TRAPPC9: variants seen among roughly 807,000 people sequenced by gnomAD.
TRAPPC9 encodes IKK2 binding protein.
Under a neutral mutation model 124.0 loss-of-function variants are expected in TRAPPC9, and 83 were observed. The ratio of observed to expected loss-of-function variants is 0.67; its 90% CI spans 0.56 to 0.80. TRAPPC9 has a LOEUF of 0.80. Ranked by LOEUF, TRAPPC9 falls within the 30% of genes least tolerant of loss-of-function variation. The pLI is 0.00. For synonymous variants in TRAPPC9, 638 were observed against 617.5 expected (o/e 1.03, Z -0.49); for missense variants, 1,302 against 1,508.3 (o/e 0.86, Z 2.27).
intron 17 of TRAPPC9, among the ~76,000 whole-genome samples, chr8:140,047,423 C>T (rs1055055592): frequency 1.3e-5 from 2 of 152,236 alleles, no homozygotes; most frequent in East Asian, 1.9e-4. Context: ...CCGCTGGCAC[C>T]GGAGAGCCAG....
chr8:139,913,170 A>C (rs992201618), intron 19 of TRAPPC9, among the ~76,000 whole-genome samples: 2 of 152,234 alleles, frequency 1.3e-5, no homozygotes, highest in African/African-American at 4.8e-5. Context: ...TTGAGTAATC[A>C]TCACACTCTA....
intron 16 of TRAPPC9, among the ~76,000 whole-genome samples, chr8:140,224,009 G>T (rs2063394494): frequency 6.6e-6 from 1 of 152,188 alleles, no homozygotes; most frequent in Non-Finnish European, 1.5e-5. Flanking sequence ...ATGACAAACT[G>T]ATCTGTTTCT....
At position 139,772,212 on chromosome 8, in the gene TRAPPC9, G is replaced by A. The variant is rs914659304; in HGVS notation, c.3056-40010C>T. Among the ~76,000 whole-genome samples the A allele has an allele frequency of 5.3e-5, 8 of 152,230 alleles. No homozygotes were observed. In the East Asian group the frequency reaches 1.2e-3, roughly 22 times the overall value. On this transcript the variant is annotated intron_variant, in intron 21 of 22. Coordinates refer to ENST00000438773, the MANE Select transcript of TRAPPC9 (RefSeq NM_001160372.4). The stretch of plus-strand genomic sequence containing the variant: ...TGCTTACACGCATGAATATGCTCCA[G>A]GTGAACCCACTGATGCACAGGTCTG...
intron 17 of TRAPPC9, among the ~76,000 whole-genome samples, chr8:140,173,382 G>A (rs1425137900): frequency 2.6e-5 from 4 of 151,962 alleles, no homozygotes; most frequent in Non-Finnish European, 4.4e-5. Context: ...GTGAAACCCC[G>A]TCTCTACTGA....
At chr8:140,300,902 G>A (rs561844825) in intron 10 of TRAPPC9, among the ~76,000 whole-genome samples, 1 of 152,348 alleles carries the variant, frequency 6.6e-6, no homozygotes, top group South Asian at 2.1e-4. Context: ...AGAAAGGCCA[G>A]CTTGAAATCT....
At chr8:140,069,126 G>A (rs528250859) in intron 17 of TRAPPC9, among the ~76,000 whole-genome samples, 4 of 152,298 alleles carry the variant, frequency 2.6e-5, no homozygotes, top group South Asian at 2.1e-4. Context: ...TCCTGAAGCC[G>A]CTGTGCTCAA....
At chr8:140,151,218 C>T (rs370692393) in intron 17 of TRAPPC9, among the ~76,000 whole-genome samples, 1 of 152,208 alleles carries the variant, frequency 6.6e-6, no homozygotes, top group Non-Finnish European at 1.5e-5. Context: ...GTGGCATCAG[C>T]ATCAAAGCTG....
In TRAPPC9 at chr8:140,355,255, G is replaced by A. The variant is rs540137381; in HGVS notation, c.1495+4795C>T. Among the ~76,000 whole-genome samples the A allele has an allele frequency of 5.9e-5, 9 of 152,286 alleles. No individual in the cohort carries two copies. The South Asian group carries it at 1.7e-3, about 28-fold the overall frequency. On this transcript the variant is annotated intron_variant, in intron 9 of 22. Coordinates refer to ENST00000438773, the MANE Select transcript of TRAPPC9 (RefSeq NM_001160372.4). Reference sequence around the variant, plus strand: ...AATCAAACGCAATTTATATCTAATGGAAACACAGCCCATATGGAAGCATAG... The same window carrying A: ...AATCAAACGCAATTTATATCTAATGAAAACACAGCCCATATGGAAGCATAG...
chr8:139,829,504 C>G (rs979099882), intron 21 of TRAPPC9, among the ~76,000 whole-genome samples: 1 of 152,232 alleles, frequency 6.6e-6, no homozygotes, highest in Admixed American at 6.5e-5. Flanking sequence ...CGCAAACACA[C>G]GAGTGCAATC....
chr8:140,026,375 G>A (rs913818523), intron 17 of TRAPPC9, among the ~76,000 whole-genome samples: 8 of 152,060 alleles, frequency 5.3e-5, no homozygotes, highest in Non-Finnish European at 8.8e-5. Context: ...TGAATCATAC[G>A]GGTATTCTCT....
At chr8:140,433,701 C>T (rs1294110567) in intron 4 of TRAPPC9, among the ~76,000 whole-genome samples, 2 of 152,194 alleles carry the variant, frequency 1.3e-5, no homozygotes, top group African/African-American at 4.8e-5. Flanking sequence ...TTTTACTTTT[C>T]TCATCTATTA....
At position 139,884,885 on chromosome 8, in the gene TRAPPC9, G is replaced by C. The variant is rs1430460861; in HGVS notation, c.3055+994C>G. Among the ~76,000 whole-genome samples, 5 of 152,344 alleles carry C rather than the reference G, an allele frequency of 3.3e-5. No homozygotes were observed. The South Asian group carries it at 1.0e-3, about 32-fold the overall frequency. On this transcript the variant is annotated intron_variant, in intron 21 of 22. Transcript: ENST00000438773. ...TGGTCCCGACAGCTTTCACCTGTGAGGAGCCAGGAGGCAGCCTCTGCAGGA... is the reference window on the plus strand; with the variant it reads ...TGGTCCCGACAGCTTTCACCTGTGACGAGCCAGGAGGCAGCCTCTGCAGGA...
intron 18 of TRAPPC9, among the ~76,000 whole-genome samples, chr8:140,018,391 T>C (rs1459091430): frequency 6.9e-6 from 1 of 144,334 alleles, no homozygotes; most frequent in Non-Finnish European, 1.5e-5. Flanking sequence ...TGGTGTGATC[T>C]TGGCTCACTG....
At chr8:139,882,002 T>G (rs1717439168) in intron 21 of TRAPPC9, among the ~76,000 whole-genome samples, 1 of 151,832 alleles carries the variant, frequency 6.6e-6, no homozygotes, top group Non-Finnish European at 1.5e-5. Context: ...GTCCCTGGGG[T>G]GGGCAAGGGG....
chr8:140,304,093 A>AAT (rs1296507499), intron 10 of TRAPPC9, among the ~76,000 whole-genome samples: 2 of 140,894 alleles, frequency 1.4e-5, no homozygotes. Context: ...GCCTGACTTA[A>AAT]TTTTTTTTTT....
chr8:140,082,251 T>TA (rs1843871176), intron 17 of TRAPPC9: 1 of 151,938 alleles, frequency 6.6e-6, no homozygotes, highest in Non-Finnish European at 1.5e-5. Context: ...GCAGTGATTT[T>TA]TTTTTTTCCC....
intron 8 of TRAPPC9, among the ~76,000 whole-genome samples, chr8:140,362,624 T>C (rs1332570668): frequency 6.6e-6 from 1 of 152,218 alleles, no homozygotes; most frequent in Non-Finnish European, 1.5e-5. Context: ...GTACTTCTCA[T>C]ACAACTGCAG....
chr8:140,207,368 TA>T (rs1400635091), intron 17 of TRAPPC9, among the ~76,000 whole-genome samples: 3 of 152,258 alleles, frequency 2.0e-5, no homozygotes, highest in Non-Finnish European at 4.4e-5. Flanking sequence ...TGTCTCTATT[TA>T]AACTGCTTTG....
At chr8:140,339,514 C>A (rs1212571389) in intron 9 of TRAPPC9, among the ~76,000 whole-genome samples, 2 of 152,064 alleles carry the variant, frequency 1.3e-5, no homozygotes, top group African/African-American at 4.8e-5. Context: ...AAACTGAGGG[C>A]CAGGGAGAAG....
Sources: allele counts gnomAD v4.1 joint callset (sites outside exome capture counted in the v4.1 genomes callset), GRCh38; gene constraint gnomAD v4.1.1; transcripts MANE v1.5; gene names NCBI Gene and HGNC (gene_info 2026-07-23, HGNC 2026-07-21).